Variants in SUZ12 observed in about 807,000 individuals in gnomAD.
The protein encoded by SUZ12 is SUZ12 polycomb repressive complex 2 subunit.
In SUZ12, 17 loss-of-function variants were observed where a neutral mutation model predicts 87.3. The ratio of observed to expected loss-of-function variants is 0.19; its 90% confidence interval spans 0.13 to 0.29. The LOEUF is 0.29. SUZ12 is among the 10% of genes least tolerant of loss of function. The pLI is 1.00. For synonymous variants in SUZ12, 253 were observed against 312.4 expected (o/e 0.81, Z 2.01); for missense variants, 526 against 912.2 (o/e 0.58, Z 5.45).
At chr17:31,985,012 A>G (rs1909326810) in intron 9 of SUZ12, among the ~76,000 whole-genome samples, 2 of 152,236 alleles carry the variant, frequency 1.3e-5, no homozygotes, top group South Asian at 4.2e-4. Flanking sequence ...AAAATTAGCC[A>G]GGCATGGTGG....
intron 4 of SUZ12, among the ~76,000 whole-genome samples, chr17:31,953,530 C>T (rs966986661): frequency 1.3e-5 from 2 of 152,096 alleles, no homozygotes; most frequent in Non-Finnish European, 2.9e-5. Context: ...GCCTCAGCCT[C>T]CTGAGTAGCT....
Position 31,937,419 on chromosome 17 carries a change from C to T in SUZ12, c.173C>T (p.Ser58Phe), listed in dbSNP as rs1309445748. The change falls in exon 1 of 16, where the codon TCC (serine) becomes TTC (phenylalanine). Residue 58 changes from serine to phenylalanine, a missense_variant. Physicochemically the swap from Ser to Phe is radical, Grantham distance 155. Around this residue, in one of 9 missense-constraint regions of SUZ12, gnomAD observed 92 missense variants for 109.9 expected, o/e 0.84. Transcript: ENST00000322652. ...GGCAGTTACTCGGCCTCCTCCTCCT[C>T]CTCCGCGGCGGCAGCGGCGGGGGCT... ...GGGSYSASSS[S>F]SAAAAAGAAV... 6 of 1,543,128 alleles carry T rather than the reference C, an allele frequency of 3.9e-6. No individual in the cohort carries two copies. Among genetic ancestry groups the T allele is most frequent in the East Asian group, 2.5e-5 (1 of 40,152 alleles).
chr17:31,943,845 G>A (rs1419348166), intron 3 of SUZ12, among the ~76,000 whole-genome samples: 1 of 151,918 alleles, frequency 6.6e-6, no homozygotes, highest in Non-Finnish European at 1.5e-5. Flanking sequence ...TTACAGGCGT[G>A]TGGCACTACA....
chr17:31,987,416 T>G (rs501773), intron 9 of SUZ12, among the ~76,000 whole-genome samples: 23,703 of 152,110 alleles, frequency 0.16, 2,067 homozygotes, highest in African/African-American at 0.22. Context: ...TTGAGGATGG[T>G]TGAGTGATTC....
intron 13 of SUZ12, among the ~76,000 whole-genome samples, chr17:31,994,932 T>C (rs1205095704): frequency 6.6e-6 from 1 of 152,230 alleles, no homozygotes; most frequent in Non-Finnish European, 1.5e-5. Flanking sequence ...ACTTTATACT[T>C]AAGTTTTAAT....
At chr17:31,956,638 A>G (rs1225185964) in intron 4 of SUZ12, among the ~76,000 whole-genome samples, 1 of 152,134 alleles carries the variant, frequency 6.6e-6, no homozygotes, top group Non-Finnish European at 1.5e-5. Context: ...GATATCACCG[A>G]AAACCCTCCC....
intron 15 of SUZ12, among the ~76,000 whole-genome samples, chr17:31,997,434 G>T (rs1322371328): frequency 3.9e-5 from 6 of 152,108 alleles, no homozygotes; most frequent in Non-Finnish European, 8.8e-5. Context: ...AGGCCAAGGT[G>T]GGTGGATCAC....
chr17:31,978,059 A>G (rs1351430979), intron 8 of SUZ12, among the ~76,000 whole-genome samples: 4 of 152,034 alleles, frequency 2.6e-5, no homozygotes, highest in East Asian at 1.9e-4. Flanking sequence ...CAAATCCAGC[A>G]TTTTTTCTTT....
At position 31,993,868 on chromosome 17, in the gene SUZ12, C is replaced by G. The variant is rs1363555494; in HGVS notation, c.1297C>G (p.Leu433Val). 6.9e-6 allele frequency: 11 copies of G among 1,585,230 alleles called. No individual in the cohort carries two copies. Among genetic ancestry groups the G allele is most frequent in the Non-Finnish European group, 9.4e-6 (11 of 1,169,856 alleles). The change falls in exon 12 of 16, where the codon CTC becomes GTC. Residue 433 changes from leucine to valine, a missense_variant. This residue lies in a region of SUZ12 where 143 missense variants were observed against 321.6 expected (regional missense o/e 0.44). Coordinates refer to ENST00000322652, the MANE Select transcript of SUZ12 (RefSeq NM_015355.4). ...RQKLRIFYQF[L>V]YNNNTRQQTE... is the part of the protein sequence containing the mutation. The stretch of plus-strand genomic sequence containing the variant: ...TTTTTTTTTTAATTGTTTTTAGTTT[C>G]TCTATAACAACAATACAAGGCAACA...
Position 31,937,606 on chromosome 17 carries a change from C to G in SUZ12, c.274+86C>G. On this transcript the variant is annotated intron_variant, in intron 1 of 15. Transcript: ENST00000322652. Reference sequence around the variant, plus strand: ...CACTCTGCTGGGCCCCCTTCCTCCTCGGGAGTCCACTTGTGTGGTAGTGGA... The same window carrying G: ...CACTCTGCTGGGCCCCCTTCCTCCTGGGGAGTCCACTTGTGTGGTAGTGGA... 3 of 1,498,018 alleles carry G rather than the reference C, an allele frequency of 2.0e-6. No individual in the cohort carries two copies. In the Admixed American group the frequency reaches 6.1e-5, roughly 31 times the overall value. The allele number at this position is 1,498,018 out of a possible 1,614,324, so 92.8% of individuals were successfully genotyped here.
chr17:31,944,329 TGTTGGTCAG>T, intron 3 of SUZ12, among the ~76,000 whole-genome samples: 1 of 152,096 alleles, frequency 6.6e-6, no homozygotes, highest in Non-Finnish European at 1.5e-5. Flanking sequence ...GGTTTCTCCA[TGTTGGTCAG>T]GCTGGTCTCG....
intron 10 of SUZ12, among the ~76,000 whole-genome samples, chr17:31,993,000 C>T (rs560132): frequency 0.1 from 15,312 of 152,190 alleles, 1,063 homozygotes; most frequent in South Asian, 0.18. Flanking sequence ...CCACCGCGCC[C>T]GGCCAGAGGT....
intron 5 of SUZ12, among the ~76,000 whole-genome samples, chr17:31,968,204 A>G (rs1427488621): frequency 3.9e-5 from 6 of 152,098 alleles, no homozygotes; most frequent in East Asian, 1.9e-4. Flanking sequence ...CAATTGGCCA[A>G]TTGTCAAAAT....
chr17:31,979,122 AAAAG>A (rs1908940145), intron 8 of SUZ12, among the ~76,000 whole-genome samples: 1 of 148,032 alleles, frequency 6.8e-6, no homozygotes, highest in East Asian at 2.0e-4. Context: ...AAAAAAAAAA[AAAAG>A]AATTCAAAAC....
chr17:31,998,373 C>T (rs1428437275), intron 15 of SUZ12, among the ~76,000 whole-genome samples: 2 of 152,074 alleles, frequency 1.3e-5, no homozygotes, highest in African/African-American at 4.8e-5. Context: ...TTACCTGGCC[C>T]AAATATTTTA....
Position 31,995,552 on chromosome 17 carries a change from T to C in SUZ12, c.1596-12T>C. On this transcript the variant is annotated splice_polypyrimidine_tract_variant and intron_variant, in intron 13 of 15. Transcript: ENST00000322652. ...TAGAGGCCATAAATCAACATTTATTTCTTTTCATTAGGCCAAAACGAACAA... is the reference window on the plus strand; with the variant it reads ...TAGAGGCCATAAATCAACATTTATTCCTTTTCATTAGGCCAAAACGAACAA... 1 of 1,613,280 alleles carries C rather than the reference T, an allele frequency of 6.2e-7. No homozygotes were observed. Among genetic ancestry groups the C allele is most frequent in the Non-Finnish European group, 8.5e-7 (1 of 1,179,416 alleles).
At chr17:31,994,333 T>C in intron 12 of SUZ12, 1 of 463,840 alleles carries the variant, frequency 2.2e-6, no homozygotes, top group Non-Finnish European at 3.7e-6. Flanking sequence ...TTTCTTATTC[T>C]TGCTCAACCA....
chr17:31,990,401 G>A (rs562022397), intron 10 of SUZ12, among the ~76,000 whole-genome samples: 8 of 148,754 alleles, frequency 5.4e-5, no homozygotes, highest in East Asian at 4.1e-4. Flanking sequence ...GTGAGCCACC[G>A]CGCCCAGGCT....
intron 1 of SUZ12, among the ~76,000 whole-genome samples, chr17:31,938,314 TCCC>T: frequency 6.6e-6 from 1 of 152,220 alleles, no homozygotes; most frequent in Non-Finnish European, 1.5e-5. Flanking sequence ...CCTGATTGGT[TCCC>T]TTTTTTGCTT....
Sources: allele counts gnomAD v4.1 joint callset (sites outside exome capture counted in the v4.1 genomes callset), GRCh38; gene constraint gnomAD v4.1.1; regional missense constraint gnomAD v4.1.1; transcripts MANE v1.5; gene names NCBI Gene and HGNC (gene_info 2026-07-23, HGNC 2026-07-21).